Variants in FA2H observed in about 807,000 individuals in gnomAD.
The protein encoded by FA2H is fatty acid alpha-hydroxylase.
A neutral mutation model predicts 44.9 loss-of-function variants in FA2H; 22 were observed. The observed-to-expected ratio is 0.49, with a 90% CI of 0.35 to 0.70. The LOEUF (loss-of-function observed/expected upper bound fraction) is 0.70, where lower values mean the gene tolerates loss of function less well. FA2H is among the 30% of genes least tolerant of loss of function. FA2H has a pLI of 0.01. For missense variants in FA2H, 501 were observed against 504.9 expected, an observed-to-expected ratio of 0.99 and a Z score of 0.07; for synonymous variants, 243 against 213.2, an observed-to-expected ratio of 1.14 and a Z score of -1.22.
chr16:74,718,216 C>T (rs569101661), intron 5 of FA2H, among the ~76,000 whole-genome samples: 5 of 152,280 alleles, frequency 3.3e-5, no homozygotes, highest in Admixed American at 6.5e-5. Context: ...TCAGTATCAG[C>T]GACATCAGGG....
At chr16:74,716,724 A>G (rs1597538581) in intron 5 of FA2H, 125 bp from the exon 6 acceptor site, 2 of 1,159,710 alleles carry the variant, frequency 1.7e-6, no homozygotes, top group East Asian at 2.6e-5. Flanking sequence ...TAGGCTTGGC[A>G]CCTTTGGTGG....
intron 4 of FA2H, among the ~76,000 whole-genome samples, chr16:74,720,120 C>G (rs1200263283): frequency 1.4e-5 from 2 of 138,658 alleles, no homozygotes; most frequent in Non-Finnish European, 3.1e-5. Flanking sequence ...CTCATTCATT[C>G]TTTGACCTCA....
chr16:74,749,725 G>A (rs1962497150), intron 1 of FA2H, among the ~76,000 whole-genome samples: 2 of 152,212 alleles, frequency 1.3e-5, no homozygotes, highest in African/African-American at 4.8e-5. Flanking sequence ...GATACCCCCT[G>A]TGGGTTTTCA....
chr16:74,774,675 G>C lies in FA2H; in HGVS notation c.81C>G (p.Val27=), dbSNP rs1055297914. Reference sequence around the variant, plus strand: ...GGTCGTAGAGGCGGGCCCCGCGGCGGACCCAGCACGCGCCGGCCGCCAGGC... The same window carrying C: ...GGTCGTAGAGGCGGGCCCCGCGGCGCACCCAGCACGCGCCGGCCGCCAGGC... ...QRRLAAGACW[V]RRGARLYDLS... Residue 27 remains valine (V), a synonymous_variant, in exon 1 of 7, where the codon GTC becomes GTG. Coordinates refer to ENST00000219368, the MANE Select transcript of FA2H (RefSeq NM_024306.5). 1.4e-6 allele frequency: 2 copies of C among 1,409,420 alleles called. No homozygotes were observed. Among genetic ancestry groups the C allele is most frequent in the African/African-American group, 1.5e-5 (1 of 66,938 alleles). 87.3% of individuals were successfully genotyped at this position (1,409,420 alleles called of 1,614,324 possible).
At chr16:74,725,572 C>G (rs760692385) in intron 4 of FA2H, among the ~76,000 whole-genome samples, 9 of 152,252 alleles carry the variant, frequency 5.9e-5, no homozygotes, top group Non-Finnish European at 5.9e-5. Flanking sequence ...CTTTCAGCTA[C>G]TCCCTTGATA....
At chr16:74,759,053 T>C (rs189076740) in intron 1 of FA2H, among the ~76,000 whole-genome samples, 1 of 152,360 alleles carries the variant, frequency 6.6e-6, no homozygotes, top group East Asian at 1.9e-4. Flanking sequence ...CTGTTGCACC[T>C]GGCAGGTTCT....
At chr16:74,735,403 T>C (rs1376384963) in intron 2 of FA2H, among the ~76,000 whole-genome samples, 1 of 152,112 alleles carries the variant, frequency 6.6e-6, no homozygotes, top group Non-Finnish European at 1.5e-5. Context: ...CCCTGAGCCC[T>C]ATGACCCTCC....
intron 4 of FA2H, among the ~76,000 whole-genome samples, chr16:74,720,265 A>G (rs911963860): frequency 8.0e-6 from 1 of 125,326 alleles, no homozygotes; most frequent in Non-Finnish European, 1.6e-5. Flanking sequence ...GTGTGATCTC[A>G]GCTCACTGCA....
chr16:74,726,125 T>G, intron 4 of FA2H, 100 bp downstream of exon 4: 1 of 794,154 alleles, frequency 1.3e-6, no homozygotes, highest in Admixed American at 2.0e-5. Context: ...TGTGATGTAG[T>G]TTGGGGTTCT....
intron 1 of FA2H, among the ~76,000 whole-genome samples, chr16:74,752,784 C>T (rs949924687): frequency 1.3e-5 from 2 of 152,158 alleles, no homozygotes; most frequent in Non-Finnish European, 2.9e-5. Context: ...GCCAGCCTCA[C>T]CTTTGGGGAC....
chr16:74,729,511 A>C (rs1489831586), intron 2 of FA2H, among the ~76,000 whole-genome samples: 2 of 152,206 alleles, frequency 1.3e-5, no homozygotes, highest in Non-Finnish European at 2.9e-5. Flanking sequence ...AACACATGCA[A>C]ATACTTTAGA....
chr16:74,727,356 A>G lies in FA2H; in HGVS notation c.394T>C (p.Trp132Arg). 6.2e-7 allele frequency: 1 copy of G among 1,614,262 alleles called. No homozygotes were observed. Among genetic ancestry groups the G allele is most frequent in the Non-Finnish European group, 8.5e-7 (1 of 1,180,056 alleles). Residue 132 changes from tryptophan to arginine, a missense_variant, in exon 3 of 7, where the codon TGG becomes CGG. Trp to Arg is a moderately radical substitution (Grantham distance 101). Coordinates refer to ENST00000219368, the MANE Select transcript of FA2H (RefSeq NM_024306.5). ...TTCTCTCCCAAGTGGCCCACCTGCC[A>G]CAGGAGAGGCTTTCGCCAGTCCACC... Reference protein sequence around the residue: ...DLVDWRKPLLWQVGHLGEKYD... With the variant: ...DLVDWRKPLLRQVGHLGEKYD...
intron 1 of FA2H, among the ~76,000 whole-genome samples, chr16:74,773,223 T>C (rs117263946): frequency 3.9e-5 from 6 of 152,278 alleles, no homozygotes; most frequent in Admixed American, 6.5e-5. Flanking sequence ...TACAGTACTA[T>C]AAGATGTTTT....
intron 1 of FA2H, among the ~76,000 whole-genome samples, chr16:74,762,210 T>C (rs1052153136): frequency 6.6e-6 from 1 of 152,122 alleles, no homozygotes; most frequent in African/African-American, 2.4e-5. Context: ...GTCTGGCTAA[T>C]TTTTTTGGAT....
intron 1 of FA2H, among the ~76,000 whole-genome samples, chr16:74,750,790 T>TGTGTGTGTGTGTGTGTGTGC (rs1555540831): frequency 2.8e-4 from 43 of 151,488 alleles, no homozygotes; most frequent in African/African-American, 9.5e-4. Context: ...TGTGTGTGTG[T>TGTGTGTGTGTGTGTGTGTGC]TTAAGAGACA....
rs533840938 is a variant in FA2H, at chr16:74,734,171, G to A, written c.363+5852C>T. ...TGTGGGCTATGTACGTGGCTCGGGTGGGGGAGAAGGGGAGATCAGGCCACA... is the reference window on the plus strand; with the variant it reads ...TGTGGGCTATGTACGTGGCTCGGGTAGGGGAGAAGGGGAGATCAGGCCACA... On this transcript the variant is annotated intron_variant, in intron 2 of 6. Transcript: ENST00000219368. Among the ~76,000 whole-genome samples, 185 of 152,336 alleles carry A rather than the reference G, an allele frequency of 1.2e-3. 2 individuals are homozygous for A. Among genetic ancestry groups the A allele is most frequent in the Non-Finnish European group, 5.4e-4 (37 of 68,020 alleles).
chr16:74,762,173 G>A (rs1223593466), intron 1 of FA2H, among the ~76,000 whole-genome samples: 1 of 152,026 alleles, frequency 6.6e-6, no homozygotes, highest in Non-Finnish European at 1.5e-5. Context: ...CGCCTGAGTA[G>A]GTGGGACTGC....
chr16:74,768,585 G>A (rs939778092), intron 1 of FA2H, among the ~76,000 whole-genome samples: 5 of 152,188 alleles, frequency 3.3e-5, no homozygotes, highest in African/African-American at 7.2e-5. Flanking sequence ...CTCAGAAGGT[G>A]GCGGCAGTTC....
chr16:74,734,976 G>C (rs1597552521), intron 2 of FA2H, among the ~76,000 whole-genome samples: 1 of 152,246 alleles, frequency 6.6e-6, no homozygotes, highest in East Asian at 1.9e-4. Context: ...GGCTGCGGGA[G>C]AGGAGTGGGG....
Sources: gnomAD v4.1 joint callset for allele counts (sites outside exome capture counted in the v4.1 genomes callset) on GRCh38, gnomAD v4.1.1 for gene constraint, MANE v1.5 for transcripts, NCBI Gene and HGNC (gene_info 2026-07-23, HGNC 2026-07-21) for gene names.